Variants in MAGI1 observed in about 807,000 individuals in gnomAD.
MAGI1 encodes membrane associated guanylate kinase, WW and PDZ domain containing 1.
A neutral mutation model predicts 139.9 loss-of-function variants in MAGI1; 58 were observed. The ratio of observed to expected loss-of-function variants is 0.41; its 90% CI spans 0.34 to 0.52. The LOEUF (loss-of-function observed/expected upper bound fraction) is 0.52, where lower values mean the gene tolerates loss of function less well. Among genes scored for constraint, MAGI1 ranks in the 20% least tolerant of loss-of-function variants. The pLI is 0.12. For synonymous variants in MAGI1, 812 were observed against 737.9 expected (o/e 1.10, Z -1.63); for missense variants, 1,874 against 1,901.6 (o/e 0.99, Z 0.27).
At chr3:65,888,694 T>C (rs907259465) in intron 1 of MAGI1, among the ~76,000 whole-genome samples, 1 of 151,902 alleles carries the variant, frequency 6.6e-6, no homozygotes, top group African/African-American at 2.4e-5. Flanking sequence ...AAAAATGAAA[T>C]ACTGAGTTTA....
intron 2 of MAGI1, among the ~76,000 whole-genome samples, chr3:65,614,431 T>G (rs560314262): frequency 6.6e-6 from 1 of 152,302 alleles, no homozygotes; most frequent in Non-Finnish European, 1.5e-5. Context: ...TCTAATTTTC[T>G]TCATTGGAAA....
intron 1 of MAGI1, among the ~76,000 whole-genome samples, chr3:65,721,057 A>G (rs1172650880): frequency 6.6e-6 from 1 of 151,944 alleles, no homozygotes. Context: ...CCATTCTCCT[A>G]AACTTACCGA....
chr3:65,412,166 A>G (rs1021956864), intron 12 of MAGI1, among the ~76,000 whole-genome samples: 1 of 152,086 alleles, frequency 6.6e-6, no homozygotes, highest in African/African-American at 2.4e-5. Flanking sequence ...CCTCCTGGAC[A>G]CACACTCCAG....
intron 18 of MAGI1, among the ~76,000 whole-genome samples, chr3:65,369,975 G>A (rs190024312): frequency 4.1e-4 from 63 of 152,248 alleles, no homozygotes; most frequent in African/African-American, 1.4e-3. Flanking sequence ...TTTTACCTTG[G>A]AATCAACTAT....
At chr3:65,381,736 A>G (rs1040136550) in intron 16 of MAGI1, 141 bp downstream of exon 16, 6 of 771,312 alleles carry the variant, frequency 7.8e-6, no homozygotes, top group African/African-American at 3.5e-5. Context: ...TGAGAGAAGC[A>G]AGCCATCTGG....
chr3:65,568,380 A>G (rs1237726566), intron 2 of MAGI1, among the ~76,000 whole-genome samples: 1 of 152,000 alleles, frequency 6.6e-6, no homozygotes, highest in African/African-American at 2.4e-5. Context: ...AATATAGGTG[A>G]TTCCTTGTTA....
intron 3 of MAGI1, among the ~76,000 whole-genome samples, chr3:65,486,455 G>A (rs1951642586): frequency 6.6e-6 from 1 of 152,022 alleles, no homozygotes; most frequent in Non-Finnish European, 1.5e-5. Flanking sequence ...GCAGTGACCT[G>A]TCTTGCAGAG....
chr3:65,989,713 T>G (rs943777033), intron 1 of MAGI1, among the ~76,000 whole-genome samples: 3 of 152,094 alleles, frequency 2.0e-5, no homozygotes, highest in Admixed American at 1.3e-4. Flanking sequence ...AATTTTTGTA[T>G]TTTTGGTAGA....
At chr3:66,005,600 G>A (rs554622280) in intron 1 of MAGI1, among the ~76,000 whole-genome samples, 200 of 152,036 alleles carry the variant, frequency 1.3e-3, no homozygotes, top group African/African-American at 4.5e-3. Flanking sequence ...AATCTCCCAC[G>A]CCTTCCCCTT....
intron 1 of MAGI1, among the ~76,000 whole-genome samples, chr3:65,752,253 A>G (rs1301038517): frequency 6.6e-6 from 1 of 152,144 alleles, no homozygotes; most frequent in African/African-American, 2.4e-5. Context: ...AGATACTTAG[A>G]AGTAGCTTTA....
At chr3:65,501,031 A>G (rs1228664001) in intron 2 of MAGI1, among the ~76,000 whole-genome samples, 3 of 152,140 alleles carry the variant, frequency 2.0e-5, no homozygotes, top group Admixed American at 6.5e-5. Flanking sequence ...TAGTCCTCCA[A>G]ATTCACTCAG....
At chr3:65,604,284 C>T (rs939714066) in intron 2 of MAGI1, among the ~76,000 whole-genome samples, 1 of 151,708 alleles carries the variant, frequency 6.6e-6, no homozygotes. Flanking sequence ...CCAATGATAA[C>T]ATTTGAAGCT....
intron 2 of MAGI1, among the ~76,000 whole-genome samples, chr3:65,604,910 GT>G (rs1293130507): frequency 3.3e-5 from 5 of 152,068 alleles, no homozygotes; most frequent in Admixed American, 6.6e-5. Flanking sequence ...TCCCTCCAAG[GT>G]GCAAAACATG....
At chr3:65,807,992 G>T (rs2040978240) in intron 1 of MAGI1, among the ~76,000 whole-genome samples, 1 of 150,952 alleles carries the variant, frequency 6.6e-6, no homozygotes, top group Non-Finnish European at 1.5e-5. Context: ...AAGTTCGGCG[G>T]ATCACTTGAG....
chr3:65,820,062 A>G (rs1380094364), intron 1 of MAGI1, among the ~76,000 whole-genome samples: 1 of 151,958 alleles, frequency 6.6e-6, no homozygotes, highest in Non-Finnish European at 1.5e-5. Context: ...CCAGCATTTT[A>G]TTAATCAGTT....
At chr3:65,697,936 T>C (rs1285845311) in intron 1 of MAGI1, among the ~76,000 whole-genome samples, 2 of 75,606 alleles carry the variant, frequency 2.6e-5, no homozygotes, top group South Asian at 9.1e-4. Context: ...AGTCAAATTG[T>C]CCCTGTTTGC....
intron 1 of MAGI1, among the ~76,000 whole-genome samples, chr3:65,640,978 G>C (rs890353506): frequency 1.3e-5 from 2 of 152,028 alleles, no homozygotes; most frequent in African/African-American, 2.4e-5. Context: ...CAGTCCTTAT[G>C]AGAAAGAAAA....
At chr3:65,583,057 A>T (rs577387182) in intron 2 of MAGI1, among the ~76,000 whole-genome samples, 34 of 152,338 alleles carry the variant, frequency 2.2e-4, no homozygotes, top group Non-Finnish European at 3.5e-4. Flanking sequence ...TGTAATTTCA[A>T]CATGAAATCA....
At chr3:65,508,169 C>A (rs997318740) in intron 2 of MAGI1, among the ~76,000 whole-genome samples, 3 of 152,020 alleles carry the variant, frequency 2.0e-5, no homozygotes, top group African/African-American at 4.8e-5. Flanking sequence ...TTTGGGAGGC[C>A]GAGGCGGGCA....
Sources: gnomAD v4.1 joint callset for allele counts (sites outside exome capture counted in the v4.1 genomes callset) on GRCh38, gnomAD v4.1.1 for gene constraint, MANE v1.5 for transcripts, NCBI Gene and HGNC (gene_info 2026-07-23, HGNC 2026-07-21) for gene names.